The following KCNB2 variants were observed in gnomAD, a reference collection of about 807,000 sequenced individuals.
The protein encoded by KCNB2 is delayed rectifier potassium channel protein.
Under a neutral mutation model 61.5 loss-of-function variants are expected in KCNB2, and 15 were observed. The ratio of observed to expected loss-of-function variants is 0.24; its 90% CI spans 0.16 to 0.38. The LOEUF is 0.38. KCNB2 is among the 10% of genes least tolerant of loss of function. KCNB2 has a pLI of 1.00. For missense variants in KCNB2, 828 were observed against 1,125.2 expected (o/e 0.74, Z 3.78); for synonymous variants, 457 against 446.0 (o/e 1.02, Z -0.31).
intron 2 of KCNB2, among the ~76,000 whole-genome samples, chr8:72,580,597 A>G (rs1009396318): frequency 1.3e-5 from 2 of 152,224 alleles, no homozygotes; most frequent in Admixed American, 6.5e-5. Context: ...CTCTGTTAGC[A>G]TATGGATAAA....
intron 2 of KCNB2, among the ~76,000 whole-genome samples, chr8:72,705,504 C>T (rs1196684668): frequency 1.3e-5 from 2 of 152,328 alleles, no homozygotes; most frequent in Non-Finnish European, 2.9e-5. Flanking sequence ...AGATTAATAA[C>T]ATTGGAGACA....
At chr8:72,596,108 C>T (rs115408548) in intron 2 of KCNB2, among the ~76,000 whole-genome samples, 1,555 of 152,272 alleles carry the variant, frequency 0.01, 20 homozygotes, top group African/African-American at 0.036. Flanking sequence ...ACCTTCACAG[C>T]AGCCCTAGGA....
At chr8:72,849,024 G>GTA (rs1354027541) in intron 2 of KCNB2, among the ~76,000 whole-genome samples, 3 of 149,528 alleles carry the variant, frequency 2.0e-5, no homozygotes, top group Admixed American at 1.3e-4. Flanking sequence ...ATTATATAAT[G>GTA]TATATATGCT....
intron 2 of KCNB2, among the ~76,000 whole-genome samples, chr8:72,815,328 A>T (rs12056520): frequency 0.11 from 16,110 of 152,148 alleles, 1,135 homozygotes; most frequent in East Asian, 0.4. Flanking sequence ...ATGTACTCAG[A>T]CATAAGTGCT....
intron 1 of KCNB2, among the ~76,000 whole-genome samples, chr8:72,552,172 G>C (rs1490599298): frequency 6.6e-6 from 1 of 152,202 alleles, no homozygotes; most frequent in Non-Finnish European, 1.5e-5. Flanking sequence ...TGGGAGTAGA[G>C]GTAGAAGGTG....
At chr8:72,773,679 T>C (rs1223261160) in intron 2 of KCNB2, among the ~76,000 whole-genome samples, 1 of 152,260 alleles carries the variant, frequency 6.6e-6, no homozygotes, top group Non-Finnish European at 1.5e-5. Flanking sequence ...TACTAAAGTA[T>C]TATCTGTGAT....
chr8:72,634,933 C>A (rs1020423369), intron 2 of KCNB2, among the ~76,000 whole-genome samples: 1 of 152,130 alleles, frequency 6.6e-6, no homozygotes, highest in Non-Finnish European at 1.5e-5. Flanking sequence ...ATTTAAGCCC[C>A]CTAGAATTCT....
chr8:72,887,002 G>C (rs1048103252), intron 2 of KCNB2, among the ~76,000 whole-genome samples: 4 of 152,108 alleles, frequency 2.6e-5, no homozygotes, highest in Non-Finnish European at 5.9e-5. Flanking sequence ...TTGCTTCTGG[G>C]TGCCAAACTC....
chr8:72,575,906 T>C (rs2128979764), intron 2 of KCNB2, among the ~76,000 whole-genome samples: 1 of 152,318 alleles, frequency 6.6e-6, no homozygotes, highest in East Asian at 1.9e-4. Context: ...AAACAAAATA[T>C]GTTCATAATT....
chr8:72,929,516 A>G (rs907698787), intron 2 of KCNB2, among the ~76,000 whole-genome samples: 2 of 152,236 alleles, frequency 1.3e-5, no homozygotes, highest in African/African-American at 4.8e-5. Flanking sequence ...AATATTTTTC[A>G]GTCTTCTCTT....
rs1474430899 is a variant in KCNB2, at chr8:72,725,585, A to G, written c.579+157272A>G. On this transcript the variant is annotated intron_variant, in intron 2 of 2. Transcript: ENST00000523207. ...TATATGTATATATATGTATATATAT[A>G]TGTATGTATATATATATATATATAT... 1.5e-3 allele frequency among the ~76,000 whole-genome samples: 100 copies of G among 67,914 alleles called. 1 individual carries two copies. The highest frequency in any genetic ancestry group is 8.1e-3 in the African/African-American group (99 of 12,262). 44.6% of individuals were successfully genotyped at this position (67,914 alleles called of 152,430 possible).
At chr8:72,577,523 G>A (rs1806817290) in intron 2 of KCNB2, among the ~76,000 whole-genome samples, 2 of 152,098 alleles carry the variant, frequency 1.3e-5, no homozygotes, top group South Asian at 2.1e-4. Flanking sequence ...ACCTGATAGG[G>A]CATGAAAATT....
intron 2 of KCNB2, among the ~76,000 whole-genome samples, chr8:72,919,407 G>C (rs1285623397): frequency 6.6e-6 from 1 of 152,172 alleles, no homozygotes; most frequent in East Asian, 1.9e-4. Flanking sequence ...CTTTTGGGAG[G>C]GTGGGGGTAA....
chr8:72,868,081 T>A (rs1433063340), intron 2 of KCNB2, among the ~76,000 whole-genome samples: 1 of 150,320 alleles, frequency 6.7e-6, no homozygotes, highest in Non-Finnish European at 1.5e-5. Flanking sequence ...ATTTATTTTT[T>A]TTTTTTTAGA....
chr8:72,693,615 A>C (rs1040551956), intron 2 of KCNB2, among the ~76,000 whole-genome samples: 2 of 152,226 alleles, frequency 1.3e-5, no homozygotes, highest in Non-Finnish European at 2.9e-5. Flanking sequence ...ATATATAGGC[A>C]GTTCGTAATA....
intron 2 of KCNB2, among the ~76,000 whole-genome samples, chr8:72,800,200 G>A (rs1479430162): frequency 6.6e-6 from 1 of 152,082 alleles, no homozygotes; most frequent in East Asian, 1.9e-4. Context: ...TCTTGGAATG[G>A]CTTCATAGGC....
intron 2 of KCNB2, among the ~76,000 whole-genome samples, chr8:72,670,933 C>T (rs887448117): frequency 1.3e-5 from 2 of 152,194 alleles, no homozygotes; most frequent in African/African-American, 2.4e-5. Context: ...TTTTCCAACT[C>T]CAAATGGATA....
chr8:72,867,009 A>G (rs142280117), intron 2 of KCNB2, among the ~76,000 whole-genome samples: 31 of 152,304 alleles, frequency 2.0e-4, no homozygotes, highest in African/African-American at 6.3e-4. Context: ...GACAGGGACT[A>G]TGTCTTTCAG....
intron 2 of KCNB2, among the ~76,000 whole-genome samples, chr8:72,636,164 G>T (rs893682481): frequency 6.6e-6 from 1 of 152,076 alleles, no homozygotes; most frequent in South Asian, 2.1e-4. Flanking sequence ...ATAGATTTAG[G>T]TCTATCCCAG....
Sources: allele counts gnomAD v4.1 joint callset (sites outside exome capture counted in the v4.1 genomes callset), GRCh38; gene constraint gnomAD v4.1.1; transcripts MANE v1.5; gene names NCBI Gene and HGNC (gene_info 2026-07-23, HGNC 2026-07-21).